Variants in JAZF1 observed in about 807,000 individuals in gnomAD.
JAZF1 encodes juxtaposed with another zinc finger protein 1.
JAZF1 carries 8 observed loss-of-function variants against 26.4 expected under a neutral mutation model. The observed-to-expected ratio is 0.30, with a 90% confidence interval of 0.18 to 0.55. The LOEUF (loss-of-function observed/expected upper bound fraction) is 0.55, where lower values mean the gene tolerates loss of function less well. Ranked by LOEUF, JAZF1 falls within the 20% of genes least tolerant of loss-of-function variation. The pLI, the probability that JAZF1 is intolerant of heterozygous loss-of-function variation, is 0.94. For missense variants in JAZF1, 199 were observed against 322.0 expected, an observed-to-expected ratio of 0.62 and a Z score of 2.92; for synonymous variants, 126 against 122.3, an observed-to-expected ratio of 1.03 and a Z score of -0.20.
rs374936192 is a variant in JAZF1, at chr7:28,180,594, C to G, written c.-17G>C. On this transcript the variant is annotated 5_prime_UTR_variant, in exon 1 of 5. Transcript: ENST00000283928. ...GCCTGTCATGGTGCTACATCGAGAGCCCCCCTGGTGTCGGCTCTGCGAGCG... is the reference window on the plus strand; with the variant it reads ...GCCTGTCATGGTGCTACATCGAGAGGCCCCCTGGTGTCGGCTCTGCGAGCG... 9 of 1,595,454 alleles carry G rather than the reference C, an allele frequency of 5.6e-6. No homozygotes were observed. In the Admixed American group the frequency reaches 1.2e-4, roughly 21 times the overall value.
intron 1 of JAZF1, among the ~76,000 whole-genome samples, chr7:28,088,602 T>C (rs1301492077): frequency 1.3e-5 from 2 of 152,198 alleles, no homozygotes; most frequent in African/African-American, 4.8e-5. Flanking sequence ...TAGGTTTGTT[T>C]AAGGAGTGTC....
intron 1 of JAZF1, among the ~76,000 whole-genome samples, chr7:28,143,354 T>C (rs932097681): frequency 2.0e-5 from 3 of 152,252 alleles, no homozygotes; most frequent in Non-Finnish European, 4.4e-5. Flanking sequence ...GTAATTTCTA[T>C]GGCCCTTTGT....
Position 28,114,398 on chromosome 7 carries a change from T to C in JAZF1, c.115+66065A>G, listed in dbSNP as rs561264132. 2.6e-5 allele frequency among the ~76,000 whole-genome samples: 4 copies of C among 151,922 alleles called. No individual in the cohort carries two copies. The East Asian group carries it at 7.8e-4, about 30-fold the overall frequency. On this transcript the variant is annotated intron_variant, in intron 1 of 4. Coordinates refer to ENST00000283928, the MANE Select transcript of JAZF1 (RefSeq NM_175061.4). ...GCGGGTTTGGTGCTACTGACATCTC[T>C]GCAGTTTGTAATCTTCTGCTTGCAG...
At chr7:27,960,534 G>C (rs1381907253) in intron 2 of JAZF1, among the ~76,000 whole-genome samples, 1 of 152,228 alleles carries the variant, frequency 6.6e-6, no homozygotes, top group African/African-American at 2.4e-5. Context: ...GTGCACAACA[G>C]GGTATTCTGT....
At chr7:27,862,510 G>T (rs1254413831) in intron 3 of JAZF1, among the ~76,000 whole-genome samples, 1 of 152,136 alleles carries the variant, frequency 6.6e-6, no homozygotes, top group African/African-American at 2.4e-5. Context: ...TATATTCACA[G>T]AGTAGTGCAG....
intron 1 of JAZF1, among the ~76,000 whole-genome samples, chr7:28,054,233 ATGGC>A (rs1292493820): frequency 6.6e-6 from 1 of 152,198 alleles, no homozygotes; most frequent in Non-Finnish European, 1.5e-5. Flanking sequence ...TATTAATAGG[ATGGC>A]TCTCTTATTT....
intron 2 of JAZF1, among the ~76,000 whole-genome samples, chr7:27,940,824 C>A (rs965007355): frequency 6.6e-6 from 1 of 152,202 alleles, no homozygotes. Flanking sequence ...GTTTTGTCAA[C>A]AAAATTTACT....
intron 1 of JAZF1, among the ~76,000 whole-genome samples, chr7:28,057,829 C>G (rs943219845): frequency 6.6e-6 from 1 of 152,140 alleles, no homozygotes; most frequent in African/African-American, 2.4e-5. Context: ...TGGCTTTTCT[C>G]TTTTTGTTTT....
At chr7:27,925,329 A>G (rs928376988) in intron 2 of JAZF1, among the ~76,000 whole-genome samples, 3 of 152,384 alleles carry the variant, frequency 2.0e-5, no homozygotes, top group Admixed American at 6.5e-5. Flanking sequence ...CATGCCAAAA[A>G]AGCAGCTGAA....
At chr7:28,071,674 A>G (rs1390556350) in intron 1 of JAZF1, 1 of 470,286 alleles carries the variant, frequency 2.1e-6, no homozygotes, top group Non-Finnish European at 4.4e-6. Flanking sequence ...GACGGCACTT[A>G]CAGCTGATTA....
In JAZF1 at chr7:27,991,946, G is replaced by T; in HGVS notation, c.151C>A (p.Gln51Lys). ...DPRVLEKQEL[Q>K]QPTYVALSYI... ...CTCAGGGCAACATAGGTTGGCTGCT[G>T]TAATTCTTGTTTTTCTAAAACCCGT... Residue 51 changes from glutamine (Q) to lysine (K), a missense_variant, in exon 2 of 5, where the codon CAG becomes AAG. Coordinates refer to ENST00000283928, the MANE Select transcript of JAZF1 (RefSeq NM_175061.4). 1.2e-6 allele frequency: 2 copies of T among 1,607,182 alleles called. No individual in the cohort carries two copies.
Position 28,180,565 on chromosome 7 carries a change from C to T in JAZF1, c.13G>A (p.Ala5Thr). Reference sequence around the variant, plus strand: ...GTATTGGAGAAGAAGGAGGCGGCGGCGATGCCTGTCATGGTGCTACATCGA... The same window carrying T: ...GTATTGGAGAAGAAGGAGGCGGCGGTGATGCCTGTCATGGTGCTACATCGA... The part of the protein sequence containing the change: MTGI[A>T]AASFFSNTCR... The change falls in exon 1 of 5, where the codon GCC becomes ACC. Residue 5 changes from alanine to threonine, a missense_variant. Ala to Thr is a moderately conservative substitution (Grantham distance 58). Around this residue, in one of 2 missense-constraint regions of JAZF1, gnomAD observed 137 missense variants for 184.8 expected, o/e 0.74. Transcript: ENST00000283928. The T allele has an allele frequency of 6.2e-7, 1 of 1,608,046 alleles. No homozygotes were observed. The highest frequency in any genetic ancestry group is 1.1e-5 in the South Asian group (1 of 90,730).
intron 1 of JAZF1, among the ~76,000 whole-genome samples, chr7:28,112,720 G>C (rs565596480): frequency 2.0e-5 from 3 of 152,290 alleles, no homozygotes; most frequent in Admixed American, 6.5e-5. Flanking sequence ...GCCCGCCCAG[G>C]TTAGCAGTCA....
chr7:28,082,120 G>A (rs1481087528), intron 1 of JAZF1, among the ~76,000 whole-genome samples: 1 of 152,104 alleles, frequency 6.6e-6, no homozygotes, highest in East Asian at 1.9e-4. Context: ...AAAGTATCTG[G>A]AGACTTGAAA....
chr7:28,013,339 G>A (rs909885161), intron 1 of JAZF1, among the ~76,000 whole-genome samples: 2 of 152,148 alleles, frequency 1.3e-5, no homozygotes, highest in African/African-American at 4.8e-5. Flanking sequence ...ATACATAAAA[G>A]AATGTTGTTC....
chr7:28,019,342 C>G (rs2128372443), intron 1 of JAZF1, among the ~76,000 whole-genome samples: 1 of 152,318 alleles, frequency 6.6e-6, no homozygotes, highest in East Asian at 1.9e-4. Flanking sequence ...GTCTGGGGGA[C>G]AAAGGCACGT....
chr7:28,148,172 A>T (rs993886071), intron 1 of JAZF1, among the ~76,000 whole-genome samples: 5 of 151,774 alleles, frequency 3.3e-5, no homozygotes, highest in Admixed American at 2.0e-4. Context: ...CTGAGTTCAA[A>T]CAATTCTCCA....
At chr7:28,110,504 A>AGAGGAGAGG (rs1784632649) in intron 1 of JAZF1, among the ~76,000 whole-genome samples, 1 of 78,578 alleles carries the variant, frequency 1.3e-5, no homozygotes, top group Non-Finnish European at 2.2e-5. Flanking sequence ...AAAGGAAAGG[A>AGAGGAGAGG]AAAGGAAAGG....
In JAZF1 at chr7:27,985,537, G is replaced by C. The variant is rs1444464431; in HGVS notation, c.188+6372C>G. On this transcript the variant is annotated intron_variant, in intron 2 of 4. Transcript: ENST00000283928. ...TCTACCAGAGGTACAAAGAGGAGCTGGTACCATTCCTTCTGAAACTATTCC... is the reference window on the plus strand; with the variant it reads ...TCTACCAGAGGTACAAAGAGGAGCTCGTACCATTCCTTCTGAAACTATTCC... 2.0e-5 allele frequency among the ~76,000 whole-genome samples: 3 copies of C among 152,168 alleles called. 1 individual carries two copies. The South Asian group carries it at 6.2e-4, about 32-fold the overall frequency.
Sources: gnomAD v4.1 joint callset for allele counts (sites outside exome capture counted in the v4.1 genomes callset) on GRCh38, gnomAD v4.1.1 for gene constraint, gnomAD v4.1.1 regional missense constraint, MANE v1.5 for transcripts, NCBI Gene and HGNC (gene_info 2026-07-23, HGNC 2026-07-21) for gene names.